The following BANK1 variants were observed in gnomAD, a reference collection of about 807,000 sequenced individuals.
BANK1 encodes B cell scaffold protein with ankyrin repeats 1, also known as B-cell scaffold protein with ankyrin repeats.
In BANK1, 95 loss-of-function variants were observed where a neutral mutation model predicts 94.5. The observed-to-expected ratio is 1.00, with a 90% CI of 0.85 to 1.19. The LOEUF is 1.19. Among genes scored for constraint, BANK1 ranks in the 50% most tolerant of loss-of-function variants. BANK1 has a pLI of 0.00. For synonymous variants in BANK1, 334 were observed against 308.4 expected, an observed-to-expected ratio of 1.08 and a Z score of -0.87; for missense variants, 987 against 932.2, an observed-to-expected ratio of 1.06 and a Z score of -0.77.
chr4:101,990,393 C>A (rs975795621), intron 7 of BANK1, among the ~76,000 whole-genome samples: 5 of 152,156 alleles, frequency 3.3e-5, no homozygotes, highest in African/African-American at 1.2e-4. Context: ...CTCTGCAAAT[C>A]TAATAAACAA....
intron 7 of BANK1, among the ~76,000 whole-genome samples, chr4:101,959,045 C>A (rs1724472882): frequency 6.6e-6 from 1 of 152,180 alleles, no homozygotes; most frequent in African/African-American, 2.4e-5. Context: ...AAGGCAGACA[C>A]TATGCACCAG....
chr4:101,929,671 G>T (rs954690634), intron 7 of BANK1, among the ~76,000 whole-genome samples: 2 of 151,336 alleles, frequency 1.3e-5, no homozygotes, highest in South Asian at 2.1e-4. Flanking sequence ...GAGTTTTTCA[G>T]TTCTCAGAAA....
At chr4:101,791,252 C>G (rs539912890) in intron 1 of BANK1, among the ~76,000 whole-genome samples, 3 of 140,066 alleles carry the variant, frequency 2.1e-5, no homozygotes, top group Admixed American at 2.1e-4. Flanking sequence ...GGTCAGGGTC[C>G]TGTAGTTTCT....
chr4:102,013,057 T>C (rs1184119733), intron 7 of BANK1, among the ~76,000 whole-genome samples: 1 of 152,134 alleles, frequency 6.6e-6, no homozygotes, highest in East Asian at 1.9e-4. Flanking sequence ...CTATAGACTT[T>C]TATTAACATG....
chr4:102,069,427 T>C (rs946410687), intron 13 of BANK1, among the ~76,000 whole-genome samples: 1 of 152,180 alleles, frequency 6.6e-6, no homozygotes, highest in Non-Finnish European at 1.5e-5. Flanking sequence ...TACACTGATA[T>C]ACCAATACAT....
chr4:101,933,615 CA>C (rs902936047), intron 7 of BANK1, among the ~76,000 whole-genome samples: 3 of 151,330 alleles, frequency 2.0e-5, no homozygotes, highest in Admixed American at 1.3e-4. Context: ...TGATGACTGT[CA>C]AAGAAAATGT....
intron 11 of BANK1, among the ~76,000 whole-genome samples, chr4:102,057,868 G>C (rs1728282892): frequency 6.6e-6 from 1 of 152,014 alleles, no homozygotes; most frequent in Non-Finnish European, 1.5e-5. Context: ...GAAAGTTAGA[G>C]ATCATAAGAA....
At chr4:101,791,187 G>A (rs1724971951) in intron 1 of BANK1, among the ~76,000 whole-genome samples, 1 of 147,540 alleles carries the variant, frequency 6.8e-6, no homozygotes, top group African/African-American at 2.4e-5. Flanking sequence ...TCTGGCCAGC[G>A]GGCTACCCTC....
intron 2 of BANK1, among the ~76,000 whole-genome samples, chr4:101,853,720 C>G (rs1221791181): frequency 6.6e-6 from 1 of 152,138 alleles, no homozygotes; most frequent in East Asian, 1.9e-4. Flanking sequence ...ACCAACTTTT[C>G]TGGTCTGCTT....
At chr4:101,817,231 A>C (rs138934439) in intron 1 of BANK1, among the ~76,000 whole-genome samples, 34 of 152,324 alleles carry the variant, frequency 2.2e-4, no homozygotes, top group African/African-American at 8.2e-4. Context: ...TGCATATTTT[A>C]TGTTCATCGC....
chr4:101,977,972 TTTG>T (rs1553937383), intron 7 of BANK1, among the ~76,000 whole-genome samples: 1 of 151,936 alleles, frequency 6.6e-6, no homozygotes, highest in East Asian at 1.9e-4. Flanking sequence ...TGTTTGTTTG[TTTG>T]TTTTTTGAGA....
At chr4:102,054,272 T>A (rs1728153063) in intron 11 of BANK1, among the ~76,000 whole-genome samples, 1 of 152,156 alleles carries the variant, frequency 6.6e-6, no homozygotes, top group Non-Finnish European at 1.5e-5. Flanking sequence ...TGTAATCACC[T>A]TCTGTACTAT....
chr4:102,048,607 A>G (rs1052960302), intron 11 of BANK1, among the ~76,000 whole-genome samples: 7 of 152,156 alleles, frequency 4.6e-5, no homozygotes, highest in Non-Finnish European at 8.8e-5. Flanking sequence ...AATGTTTGTC[A>G]GAGGCAAGAT....
chr4:101,871,768 T>C (rs542592157), intron 5 of BANK1, among the ~76,000 whole-genome samples: 1 of 152,246 alleles, frequency 6.6e-6, no homozygotes, highest in East Asian at 1.9e-4. Flanking sequence ...ACAAAAAAGA[T>C]TAATAAAGGT....
intron 7 of BANK1, chr4:101,976,759 CAAT>C (rs1223057711): frequency 6.6e-6 from 1 of 151,986 alleles, no homozygotes; most frequent in Non-Finnish European, 1.5e-5. Context: ...TTTAGAACAA[CAAT>C]GTTAAGAAAA....
chr4:101,935,250 A>G (rs1165655625), intron 7 of BANK1, among the ~76,000 whole-genome samples: 1 of 151,574 alleles, frequency 6.6e-6, no homozygotes, highest in Non-Finnish European at 1.5e-5. Flanking sequence ...GCAATTCTAA[A>G]AGCAAAGCAA....
At chr4:101,970,222 C>T (rs967568287) in intron 7 of BANK1, among the ~76,000 whole-genome samples, 9 of 152,014 alleles carry the variant, frequency 5.9e-5, no homozygotes, top group African/African-American at 1.4e-4. Context: ...GAGGCGCTGG[C>T]GCATAGTACG....
chr4:101,868,580 C>G (rs994528731), intron 4 of BANK1, among the ~76,000 whole-genome samples: 2 of 151,884 alleles, frequency 1.3e-5, no homozygotes, highest in African/African-American at 2.4e-5. Flanking sequence ...TGTGTACTTA[C>G]AGGGTTAGGT....
chr4:102,068,450 A>G (rs1728657720), intron 13 of BANK1, among the ~76,000 whole-genome samples: 1 of 152,214 alleles, frequency 6.6e-6, no homozygotes, highest in African/African-American at 2.4e-5. Flanking sequence ...GGAAAAAAAA[A>G]GACAACAAGA....
Sources: gnomAD v4.1 joint callset for allele counts (sites outside exome capture counted in the v4.1 genomes callset) on GRCh38, gnomAD v4.1.1 for gene constraint, MANE v1.5 for transcripts, NCBI Gene and HGNC (gene_info 2026-07-23, HGNC 2026-07-21) for gene names.